ST6GAL2: variants seen among roughly 807,000 people sequenced by gnomAD.
ST6GAL2 encodes ST6 beta-galactoside alpha-2,6-sialyltransferase 2.
In ST6GAL2, 24 loss-of-function variants were observed where a neutral mutation model predicts 37.5. That is an observed-to-expected ratio of 0.64 (90% CI 0.46 to 0.90). The LOEUF is 0.90. Ranked by LOEUF, ST6GAL2 falls within the 40% of genes least tolerant of loss-of-function variation. The probability of loss-of-function intolerance (pLI) is 0.00; values close to 1 mark genes in which losing one functional copy is unlikely to be tolerated. For missense variants in ST6GAL2, 715 were observed against 712.7 expected (o/e 1.00, Z -0.04); for synonymous variants, 306 against 295.1 (o/e 1.04, Z -0.38).
intron 3 of ST6GAL2, 25 bp downstream of exon 3, chr2:106,834,024 C>A: frequency 1.3e-6 from 2 of 1,545,564 alleles, no homozygotes; most frequent in Non-Finnish European, 1.8e-6. Context: ...AACATACATC[C>A]ATGAAAACAC....
At chr2:106,870,418 C>T (rs1201737974) in intron 1 of ST6GAL2, among the ~76,000 whole-genome samples, 1 of 152,152 alleles carries the variant, frequency 6.6e-6, no homozygotes, top group African/African-American at 2.4e-5. Context: ...CTTGTTAGAT[C>T]CATATTATTT....
chr2:106,839,603 T>C (rs1676792391), intron 2 of ST6GAL2, among the ~76,000 whole-genome samples: 1 of 152,098 alleles, frequency 6.6e-6, no homozygotes, highest in Non-Finnish European at 1.5e-5. Flanking sequence ...ACAGGACATG[T>C]CAAATCTCAA....
In ST6GAL2 at chr2:106,874,277, G is replaced by C. The variant is rs560429920; in HGVS notation, c.-58+11816C>G. ...TGTGTGTGTCAGAAAAGGCTTGCTG[G>C]TAAGTTAATGGGAGTTGGTGGAAGT... is the stretch of plus-strand genomic sequence containing the variant. On this transcript the variant is annotated intron_variant, in intron 1 of 5. Coordinates refer to ENST00000409382, the MANE Select transcript of ST6GAL2 (RefSeq NM_001142351.2). 8.6e-4 allele frequency among the ~76,000 whole-genome samples: 131 copies of C among 152,248 alleles called. 1 individual carries two copies. Among genetic ancestry groups the C allele is most frequent in the African/African-American group, 3.0e-3 (123 of 41,554 alleles).
At chr2:106,811,117 T>C (rs1442913872) in intron 5 of ST6GAL2, among the ~76,000 whole-genome samples, 1 of 148,304 alleles carries the variant, frequency 6.7e-6, no homozygotes, top group African/African-American at 2.6e-5. Context: ...ACTTAGTCTT[T>C]TAATTTTCTT....
chr2:106,868,454 G>A (rs961278356), intron 1 of ST6GAL2, among the ~76,000 whole-genome samples: 16 of 152,154 alleles, frequency 1.1e-4, no homozygotes, highest in Non-Finnish European at 1.8e-4. Flanking sequence ...CAGATTAAAT[G>A]TCCAATGCTG....
intron 5 of ST6GAL2, among the ~76,000 whole-genome samples, chr2:106,829,572 T>C (rs1014476766): frequency 2.0e-5 from 3 of 152,134 alleles, no homozygotes; most frequent in Non-Finnish European, 4.4e-5. Context: ...GGATGCCATA[T>C]AGAACAGAAA....
intron 5 of ST6GAL2, among the ~76,000 whole-genome samples, chr2:106,826,575 T>A (rs1210254386): frequency 6.7e-6 from 1 of 148,918 alleles, no homozygotes. Context: ...AACAACCAAA[T>A]CTCACAAGAA....
At position 106,803,172 on chromosome 2, in the gene ST6GAL2, T is replaced by C. The variant is rs1421519599; in HGVS notation, c.*3506A>G. On this transcript the variant is annotated 3_prime_UTR_variant, in exon 6 of 6. Transcript: ENST00000409382. ...GAAAACGCTAATGATTATTTTAGCA[T>C]TTCTTTTTTTGCAGATGCTATGGCT... 1 of 152,134 alleles carries C rather than the reference T, an allele frequency of 6.6e-6. No individual in the cohort carries two copies. The highest frequency in any genetic ancestry group is 1.5e-5 in the Non-Finnish European group (1 of 68,022). The allele number at this position is 152,134 out of a possible 1,614,324, so 9.4% of individuals were successfully genotyped here.
At chr2:106,884,997 G>A (rs1678919399) in intron 1 of ST6GAL2, among the ~76,000 whole-genome samples, 2 of 140,306 alleles carry the variant, frequency 1.4e-5, no homozygotes, top group Admixed American at 1.5e-4. Flanking sequence ...TATATATATA[G>A]CACTTCACTT....
intron 5 of ST6GAL2, among the ~76,000 whole-genome samples, chr2:106,809,112 G>A (rs989347633): frequency 1.3e-5 from 2 of 152,252 alleles, no homozygotes; most frequent in Non-Finnish European, 2.9e-5. Context: ...TGTCTGTGGA[G>A]CTGAGGACGG....
intron 1 of ST6GAL2, among the ~76,000 whole-genome samples, chr2:106,885,476 A>C (rs1358831496): frequency 2.6e-5 from 4 of 152,200 alleles, no homozygotes; most frequent in Admixed American, 2.6e-4. Flanking sequence ...CAGCTTCTCC[A>C]AACACAGCTA....
intron 1 of ST6GAL2, among the ~76,000 whole-genome samples, chr2:106,876,758 A>T (rs1479866637): frequency 6.6e-6 from 1 of 152,168 alleles, no homozygotes; most frequent in African/African-American, 2.4e-5. Context: ...TTAATAATTA[A>T]TTTTTTCATG....
At chr2:106,866,225 G>A (rs996064094) in intron 1 of ST6GAL2, among the ~76,000 whole-genome samples, 1 of 152,144 alleles carries the variant, frequency 6.6e-6, no homozygotes, top group Non-Finnish European at 1.5e-5. Context: ...TGGCTTGCTG[G>A]GCATGTGACT....
intron 5 of ST6GAL2, among the ~76,000 whole-genome samples, chr2:106,821,602 T>A (rs1676006132): frequency 6.6e-6 from 1 of 151,886 alleles, no homozygotes; most frequent in Non-Finnish European, 1.5e-5. Flanking sequence ...AAAGAAGAAC[T>A]AATACCAATC....
intron 4 of ST6GAL2, among the ~76,000 whole-genome samples, chr2:106,830,600 C>A (rs1248756068): frequency 6.6e-6 from 1 of 152,210 alleles, no homozygotes; most frequent in African/African-American, 2.4e-5. Context: ...CGGAAGCAGT[C>A]ATGGACAATA....
intron 1 of ST6GAL2, among the ~76,000 whole-genome samples, chr2:106,872,018 T>C (rs1397664550): frequency 6.6e-6 from 1 of 152,238 alleles, no homozygotes. Context: ...GACTGGCATA[T>C]AGTAGGTTTG....
At position 106,803,785 on chromosome 2, in the gene ST6GAL2, G is replaced by A. The variant is rs1675332638; in HGVS notation, c.*2893C>T. On this transcript the variant is annotated 3_prime_UTR_variant, in exon 6 of 6. Transcript: ENST00000409382. ...CAGCTTCCCTTCATAAGAGAGGATGGAGGATTTTGGAAGAGACAGAACCTG... is the reference window on the plus strand; with the variant it reads ...CAGCTTCCCTTCATAAGAGAGGATGAAGGATTTTGGAAGAGACAGAACCTG... 6.6e-6 allele frequency: 1 copy of A among 152,144 alleles called. No individual in the cohort carries two copies. Among genetic ancestry groups the A allele is most frequent in the South Asian group, 2.1e-4 (1 of 4,804 alleles). 9.4% of individuals were successfully genotyped at this position (152,144 alleles called of 1,614,324 possible). A position where few individuals can be genotyped will look rare whatever the true frequency, so the allele number is the denominator to read the frequency against.
intron 1 of ST6GAL2, among the ~76,000 whole-genome samples, chr2:106,871,953 A>C (rs1022761939): frequency 6.6e-6 from 1 of 152,258 alleles, no homozygotes; most frequent in African/African-American, 2.4e-5. Context: ...TATTGTTTAT[A>C]ATCATTATCA....
At chr2:106,856,984 C>T (rs1347026567) in intron 1 of ST6GAL2, among the ~76,000 whole-genome samples, 1 of 152,142 alleles carries the variant, frequency 6.6e-6, no homozygotes, top group Admixed American at 6.5e-5. Flanking sequence ...CTGGTATACA[C>T]AAAAATCACC....
Sources: gnomAD v4.1 joint callset for allele counts (sites outside exome capture counted in the v4.1 genomes callset) on GRCh38, gnomAD v4.1.1 for gene constraint, MANE v1.5 for transcripts, NCBI Gene and HGNC (gene_info 2026-07-23, HGNC 2026-07-21) for gene names.